The following SESN1 variants were observed in gnomAD, a reference collection of about 807,000 sequenced individuals.
SESN1 encodes the protein sestrin 1, also known as sestrin-1.
SESN1 carries 30 observed loss-of-function variants against 59.3 expected under a neutral mutation model. That is an observed-to-expected ratio of 0.51 (90% CI 0.38 to 0.69). SESN1 has a LOEUF of 0.69. SESN1 is among the 30% of genes least tolerant of loss of function. The pLI, the probability that SESN1 is intolerant of heterozygous loss-of-function variation, is 0.00. For missense variants in SESN1, 566 were observed against 673.0 expected (o/e 0.84, Z 1.76); for synonymous variants, 197 against 219.9 (o/e 0.90, Z 0.92).
intron 8 of SESN1, among the ~76,000 whole-genome samples, chr6:108,989,665 A>ATTACT (rs1779322061): frequency 6.6e-6 from 1 of 152,058 alleles, no homozygotes; most frequent in South Asian, 2.1e-4. Context: ...AATAATTAGA[A>ATTACT]TTACTTTACT....
chr6:109,026,694 G>A (rs183642786), intron 1 of SESN1, among the ~76,000 whole-genome samples: 6 of 151,846 alleles, frequency 4.0e-5, no homozygotes, highest in Non-Finnish European at 5.9e-5. Flanking sequence ...TAGTAGCGAC[G>A]GGGTTTCACC....
chr6:108,994,527 C>T lies in SESN1; in HGVS notation c.1055G>A (p.Ser352Asn), dbSNP rs759161337. 1.2e-6 allele frequency: 2 copies of T among 1,613,572 alleles called. No homozygotes were observed. The highest frequency in any genetic ancestry group is 1.1e-5 in the South Asian group (1 of 91,062). ...LQECRDEEEA[S>N]QEEMASRFEI... ...AAAACGTGAAGCCATCTCTTCCTGACTTGCCTCTTCTTCATCTCGACATTC... is the reference window on the plus strand; with the variant it reads ...AAAACGTGAAGCCATCTCTTCCTGATTTGCCTCTTCTTCATCTCGACATTC... Residue 352 changes from serine (S) to asparagine (N), a missense_variant, in exon 6 of 10, where the codon AGT (serine) becomes AAT (asparagine). Coordinates refer to ENST00000436639, the MANE Select transcript of SESN1 (RefSeq NM_014454.3).
intron 1 of SESN1, among the ~76,000 whole-genome samples, chr6:109,007,301 T>C (rs886487778): frequency 1.3e-5 from 2 of 152,218 alleles, no homozygotes; most frequent in African/African-American, 2.4e-5. Flanking sequence ...TGTTTCAAAT[T>C]TGTGAGATAC....
intron 1 of SESN1, among the ~76,000 whole-genome samples, chr6:109,062,901 C>T (rs1162097024): frequency 3.3e-5 from 5 of 152,084 alleles, no homozygotes; most frequent in African/African-American, 1.2e-4. Flanking sequence ...TCTCAAAATA[C>T]CTCATTATAC....
At chr6:109,047,504 C>G (rs1454851168) in intron 1 of SESN1, among the ~76,000 whole-genome samples, 1 of 129,322 alleles carries the variant, frequency 7.7e-6, no homozygotes, top group Admixed American at 7.2e-5. Flanking sequence ...CCAGCCGCCC[C>G]GTCCGGGAGG....
intron 1 of SESN1, among the ~76,000 whole-genome samples, chr6:109,047,378 G>T (rs1368028141): frequency 1.2e-5 from 1 of 82,734 alleles, no homozygotes; most frequent in African/African-American, 4.4e-5. Context: ...CAGCCGCCCC[G>T]TCCGGGAGGT....
At chr6:109,009,509 A>G (rs1779813743) in intron 1 of SESN1, 4 of 1,202,982 alleles carry the variant, frequency 3.3e-6, no homozygotes, top group African/African-American at 1.6e-5. Context: ...AGCGCTGGGC[A>G]GCCGGCCGCG....
intron 1 of SESN1, among the ~76,000 whole-genome samples, chr6:109,060,517 A>C (rs1241680075): frequency 2.6e-5 from 4 of 152,178 alleles, no homozygotes; most frequent in African/African-American, 9.7e-5. Context: ...GATTCTAGAA[A>C]AGTGTTAGGT....
chr6:109,054,353 G>GAT lies in SESN1; in HGVS notation c.279+39440_279+39441dup, dbSNP rs1345757771. Among the ~76,000 whole-genome samples the GAT allele has an allele frequency of 3.3e-5, 5 of 152,106 alleles. No individual in the cohort carries two copies. The East Asian group carries it at 9.6e-4, about 29-fold the overall frequency. ...TTTTCTCAGTTTAACAGAAGAGAAT[G>GAT]ATACAGTCTAAAGGTGAAAAAATAT... On this transcript the variant is annotated intron_variant, in intron 1 of 9. Transcript: ENST00000436639.
At chr6:109,007,634 T>C (rs1344635994) in intron 1 of SESN1, among the ~76,000 whole-genome samples, 1 of 148,590 alleles carries the variant, frequency 6.7e-6, no homozygotes, top group Non-Finnish European at 1.5e-5. Flanking sequence ...TATAGCTGGG[T>C]GCTGGCCTTT....
chr6:109,080,039 G>C (rs1329131491), intron 1 of SESN1, among the ~76,000 whole-genome samples: 1 of 152,062 alleles, frequency 6.6e-6, no homozygotes, highest in Non-Finnish European at 1.5e-5. Flanking sequence ...ATAATCCACA[G>C]GAAAAATACT....
chr6:108,990,859 T>G (rs1207704957), intron 7 of SESN1, 24 bp from the exon 8 acceptor site: 1 of 1,588,048 alleles, frequency 6.3e-7, no homozygotes, highest in Admixed American at 1.7e-5. Context: ...ATAGAACAAA[T>G]GTGAATAAAT....
chr6:109,002,378 G>C (rs200172175), intron 1 of SESN1, 35 bp from the exon 2 acceptor site: 2 of 1,561,212 alleles, frequency 1.3e-6, no homozygotes, highest in Non-Finnish European at 1.8e-6. Context: ...CAGGCCTTTG[G>C]CAGTAAACAA....
intron 1 of SESN1, among the ~76,000 whole-genome samples, chr6:109,086,876 G>A (rs1183547908): frequency 6.6e-6 from 1 of 152,164 alleles, no homozygotes; most frequent in Non-Finnish European, 1.5e-5. Flanking sequence ...GCTCATGCCC[G>A]TAATCCCAGC....
In SESN1 at chr6:108,986,506, C is replaced by T. The variant is rs143556195; in HGVS notation, c.*1038G>A. ...ACTGACAGACTTCAAAAGCAATTCACGCTTCCAGAATACAAAGTACTTAAT... is the reference window on the plus strand; with the variant it reads ...ACTGACAGACTTCAAAAGCAATTCATGCTTCCAGAATACAAAGTACTTAAT... On this transcript the variant is annotated 3_prime_UTR_variant, in exon 10 of 10. Transcript: ENST00000436639. 6.5e-5 allele frequency: 10 copies of T among 152,768 alleles called. No individual in the cohort carries two copies. In the East Asian group the frequency reaches 7.7e-4, roughly 12 times the overall value. 9.5% of individuals were successfully genotyped at this position (152,768 alleles called of 1,614,324 possible).
chr6:109,047,470 T>TG (rs1241325160), intron 1 of SESN1, among the ~76,000 whole-genome samples: 2 of 111,890 alleles, frequency 1.8e-5, no homozygotes, highest in Non-Finnish European at 3.8e-5. Context: ...GGGAGGGAGG[T>TG]GGGGGGGTCA....
intron 1 of SESN1, among the ~76,000 whole-genome samples, chr6:109,021,630 C>T (rs563257997): frequency 4.0e-5 from 6 of 151,850 alleles, no homozygotes; most frequent in South Asian, 2.1e-4. Context: ...TTAGTGGAGA[C>T]GGGGTTTCAC....
chr6:109,050,280 CT>C (rs758577233), intron 1 of SESN1, among the ~76,000 whole-genome samples: 108 of 151,982 alleles, frequency 7.1e-4, no homozygotes, highest in Non-Finnish European at 1.3e-3. Flanking sequence ...AAGGTGGCAT[CT>C]GTCTGCAACA....
At chr6:109,065,491 CCTTT>C (rs1410715814) in intron 1 of SESN1, among the ~76,000 whole-genome samples, 2 of 152,082 alleles carry the variant, frequency 1.3e-5, no homozygotes, top group Non-Finnish European at 1.5e-5. Context: ...CTCACACATT[CCTTT>C]CTATTTGATC....
Sources: allele counts gnomAD v4.1 joint callset (sites outside exome capture counted in the v4.1 genomes callset), GRCh38; gene constraint gnomAD v4.1.1; transcripts MANE v1.5; gene names NCBI Gene and HGNC (gene_info 2026-07-23, HGNC 2026-07-21).